R3HDM2: variants seen among roughly 807,000 people sequenced by gnomAD.
The protein encoded by R3HDM2 is R3H domain containing 2.
A neutral mutation model predicts 124.5 loss-of-function variants in R3HDM2; 38 were observed. The observed-to-expected ratio is 0.31, with a 90% CI of 0.24 to 0.40. The LOEUF is 0.40. Ranked by LOEUF, R3HDM2 falls within the 10% of genes least tolerant of loss-of-function variation. The pLI is 1.00. For missense variants in R3HDM2, 869 were observed against 1,236.9 expected (o/e 0.70, Z 4.46); for synonymous variants, 391 against 448.0 (o/e 0.87, Z 1.61).
At chr12:57,261,304 C>A (rs886585057) in intron 19 of R3HDM2, among the ~76,000 whole-genome samples, 2 of 152,160 alleles carry the variant, frequency 1.3e-5, no homozygotes, top group African/African-American at 2.4e-5. Flanking sequence ...TACCTCATTG[C>A]TACCTGAGGG....
In R3HDM2 at chr12:57,410,510, T is replaced by C. The variant is rs17119640; in HGVS notation, c.-105-14692A>G. On this transcript the variant is annotated intron_variant, in intron 1 of 23. Transcript: ENST00000402412. The stretch of plus-strand genomic sequence containing the variant: ...GCTCACCTGATCTCAAGCTCAAATG[T>C]ATTGCCTCATCCATCCAGGTGAAGT... Among the ~76,000 whole-genome samples, 995 of 152,236 alleles carry C rather than the reference T, an allele frequency of 6.5e-3. 13 individuals carry two copies. The highest frequency in any genetic ancestry group is 0.023 in the African/African-American group (944 of 41,558).
At chr12:57,345,813 G>A (rs2060029706) in intron 2 of R3HDM2, among the ~76,000 whole-genome samples, 1 of 152,128 alleles carries the variant, frequency 6.6e-6, no homozygotes, top group African/African-American at 2.4e-5. Flanking sequence ...AAGTAACTGA[G>A]ATTACAGGCA....
In R3HDM2 at chr12:57,367,345, T is replaced by C. The variant is rs147358140; in HGVS notation, c.-36+28404A>G. Among the ~76,000 whole-genome samples the C allele has an allele frequency of 4.8e-3, 727 of 152,294 alleles. 2 individuals are homozygous for C. The highest frequency in any genetic ancestry group is 7.5e-3 in the Non-Finnish European group (508 of 68,026). On this transcript the variant is annotated intron_variant, in intron 2 of 23. Coordinates refer to ENST00000402412, the MANE Select transcript of R3HDM2 (RefSeq NM_001394031.1). ...AAACTGGGGCTACTAAGTATTTGAA[T>C]TGTAGTTAGTGTAACTGAGGAACTC...
chr12:57,299,782 C>T (rs1416034680), intron 5 of R3HDM2, among the ~76,000 whole-genome samples: 1 of 152,048 alleles, frequency 6.6e-6, no homozygotes, highest in African/African-American at 2.4e-5. Context: ...TAAGATCTAG[C>T]CCTGGGATCT....
intron 2 of R3HDM2, among the ~76,000 whole-genome samples, chr12:57,322,590 A>G (rs2056627558): frequency 6.6e-6 from 1 of 152,338 alleles, no homozygotes; most frequent in Admixed American, 6.5e-5. Context: ...CAGAACCTCC[A>G]TGTTGTCTGA....
chr12:57,260,263 C>CAAAAAA lies in R3HDM2; in HGVS notation c.2132-1210_2132-1205dup, dbSNP rs566868060. Among the ~76,000 whole-genome samples, 246 of 31,548 alleles carry CAAAAAA rather than the reference C, an allele frequency of 7.8e-3. 26 individuals carry two copies. Among genetic ancestry groups the CAAAAAA allele is most frequent in the African/African-American group, 0.019 (152 of 8,114 alleles). 20.7% of individuals were successfully genotyped at this position (31,548 alleles called of 152,430 possible). A position where few individuals can be genotyped will look rare whatever the true frequency, so the allele number is the denominator to read the frequency against. On this transcript the variant is annotated intron_variant, in intron 19 of 23. Coordinates refer to ENST00000402412, the MANE Select transcript of R3HDM2 (RefSeq NM_001394031.1). ...TGGGTGACAGAATGAGACCCTGCCT[C>CAAAAAA]AAAAAAAAAAAAAAAAAAAAAAGCC...
At chr12:57,384,125 G>A (rs894908538) in intron 2 of R3HDM2, among the ~76,000 whole-genome samples, 4 of 152,300 alleles carry the variant, frequency 2.6e-5, no homozygotes, top group Admixed American at 1.3e-4. Flanking sequence ...ACTTCGGGAG[G>A]TCGAGGCGGG....
At chr12:57,270,406 T>C (rs1231338385) in intron 14 of R3HDM2, among the ~76,000 whole-genome samples, 1 of 51,490 alleles carries the variant, frequency 1.9e-5, no homozygotes, top group Non-Finnish European at 5.3e-5. Context: ...TTTTGTTTTG[T>C]TTTGTTTTGT....
At chr12:57,372,980 G>T (rs1318959366) in intron 2 of R3HDM2, among the ~76,000 whole-genome samples, 2 of 152,218 alleles carry the variant, frequency 1.3e-5, no homozygotes, top group African/African-American at 4.8e-5. Context: ...AGGCCAAAGT[G>T]GGAGGATCGC....
intron 4 of R3HDM2, among the ~76,000 whole-genome samples, chr12:57,300,680 T>G (rs1033642592): frequency 6.6e-6 from 1 of 152,166 alleles, no homozygotes; most frequent in African/African-American, 2.4e-5. Flanking sequence ...AAACCTGTTG[T>G]GAGAATTAGA....
At chr12:57,289,606 T>C (rs949544020) in intron 11 of R3HDM2, among the ~76,000 whole-genome samples, 5 of 152,196 alleles carry the variant, frequency 3.3e-5, no homozygotes, top group African/African-American at 9.7e-5. Flanking sequence ...CCTGAAACAT[T>C]CCCTTTGGGG....
intron 1 of R3HDM2, among the ~76,000 whole-genome samples, chr12:57,428,259 C>T (rs1362785898): frequency 3.3e-5 from 5 of 151,950 alleles, no homozygotes; most frequent in Non-Finnish European, 7.4e-5. Flanking sequence ...CAGAAGTGTG[C>T]CTAGTGTGCT....
chr12:57,388,789 G>C (rs1044074545), intron 2 of R3HDM2, among the ~76,000 whole-genome samples: 2 of 151,612 alleles, frequency 1.3e-5, no homozygotes, highest in African/African-American at 4.9e-5. Flanking sequence ...TATGGAGGGG[G>C]AAAAAGTTAT....
chr12:57,354,567 T>C (rs1475364397), intron 2 of R3HDM2, among the ~76,000 whole-genome samples: 1 of 152,138 alleles, frequency 6.6e-6, no homozygotes, highest in East Asian at 1.9e-4. Flanking sequence ...GTGCTGGGAT[T>C]ACAGGAGTGA....
intron 2 of R3HDM2, among the ~76,000 whole-genome samples, chr12:57,343,429 T>C (rs934112282): frequency 3.3e-5 from 5 of 151,994 alleles, no homozygotes; most frequent in Non-Finnish European, 5.9e-5. Flanking sequence ...CCTCAGGTGA[T>C]CTGCCTGCCT....
At position 57,269,625 on chromosome 12, in the gene R3HDM2, G is replaced by C. The variant is rs1592506785; in HGVS notation, c.1587+127C>G. The C allele has an allele frequency of 3.4e-5, 51 of 1,481,862 alleles. No homozygotes were observed. In the East Asian group the frequency reaches 1.2e-3, roughly 34 times the overall value. 91.8% of individuals were successfully genotyped at this position (1,481,862 alleles called of 1,614,324 possible). The stretch of plus-strand genomic sequence containing the variant: ...ATATAGAAAGAAGACTTTCTGGCTA[G>C]AACAACTCTCAAGTGCAAGGTAGGG... On this transcript the variant is annotated intron_variant, in intron 15 of 23. Coordinates refer to ENST00000402412, the MANE Select transcript of R3HDM2 (RefSeq NM_001394031.1).
intron 2 of R3HDM2, among the ~76,000 whole-genome samples, chr12:57,324,189 T>G (rs1288161601): frequency 6.6e-6 from 1 of 152,174 alleles, no homozygotes; most frequent in East Asian, 1.9e-4. Context: ...TAAAACAATC[T>G]TTCTTTCTTT....
At chr12:57,388,935 G>A (rs2066277553) in intron 2 of R3HDM2, among the ~76,000 whole-genome samples, 1 of 152,110 alleles carries the variant, frequency 6.6e-6, no homozygotes, top group Non-Finnish European at 1.5e-5. Flanking sequence ...GATACAGAAT[G>A]AAAAAATGAA....
chr12:57,323,290 T>G (rs1250624850), intron 2 of R3HDM2, among the ~76,000 whole-genome samples: 1 of 152,106 alleles, frequency 6.6e-6, no homozygotes, highest in Non-Finnish European at 1.5e-5. Flanking sequence ...GGAAGGAAGG[T>G]CCTACTGAGT....
Sources: gnomAD v4.1 joint callset for allele counts (sites outside exome capture counted in the v4.1 genomes callset) on GRCh38, gnomAD v4.1.1 for gene constraint, MANE v1.5 for transcripts, NCBI Gene and HGNC (gene_info 2026-07-23, HGNC 2026-07-21) for gene names.